The following HRH1 variants were observed in gnomAD, a reference collection of about 807,000 sequenced individuals.
The protein encoded by HRH1 is histamine receptor H1, also known as histamine H1 receptor.
In HRH1, 6 loss-of-function variants were observed where a neutral mutation model predicts 10.3. The ratio of observed to expected loss-of-function variants is 0.58; its 90% CI spans 0.32 to 1.15. HRH1 has a LOEUF of 1.15. Among genes scored for constraint, HRH1 ranks in the 50% most tolerant of loss-of-function variants. HRH1 has a pLI of 0.05. For synonymous variants in HRH1, 242 were observed against 236.7 expected, an observed-to-expected ratio of 1.02 and a Z score of -0.21; for missense variants, 514 against 615.3, an observed-to-expected ratio of 0.84 and a Z score of 1.74.
intron 1 of HRH1, among the ~76,000 whole-genome samples, chr3:11,191,409 T>TCCCC (rs1163787621): frequency 6.6e-6 from 1 of 152,082 alleles, no homozygotes; most frequent in Non-Finnish European, 1.5e-5. Flanking sequence ...AAGACCCACC[T>TCCCC]CCCCCTCTTC....
intron 1 of HRH1, among the ~76,000 whole-genome samples, chr3:11,239,302 C>G (rs1476462329): frequency 6.6e-6 from 1 of 152,126 alleles, no homozygotes; most frequent in Non-Finnish European, 1.5e-5. Flanking sequence ...TGAGCCATTC[C>G]TCTATCTTAT....
chr3:11,254,027 G>A (rs1007288660), intron 1 of HRH1, among the ~76,000 whole-genome samples: 2 of 152,126 alleles, frequency 1.3e-5, no homozygotes, highest in Non-Finnish European at 2.9e-5. Context: ...TTTTTCTTGT[G>A]TTTGGTCCTT....
At chr3:11,141,973 T>C (rs138233664) in intron 1 of HRH1, among the ~76,000 whole-genome samples, 1 of 152,350 alleles carries the variant, frequency 6.6e-6, no homozygotes, top group East Asian at 1.9e-4. Context: ...ACTATCTTCA[T>C]GCAAACAAAA....
At chr3:11,234,228 G>A (rs2125045309) in intron 1 of HRH1, 1 of 1,444,708 alleles carries the variant, frequency 6.9e-7, no homozygotes, top group Non-Finnish European at 9.5e-7. Context: ...CAAAAGGACT[G>A]GAGCCCAGTG....
chr3:11,178,175 G>T (rs1937281813), intron 1 of HRH1, among the ~76,000 whole-genome samples: 1 of 152,124 alleles, frequency 6.6e-6, no homozygotes, highest in African/African-American at 2.4e-5. Flanking sequence ...TTCCTCTCTT[G>T]TCCCCTCTGG....
chr3:11,219,823 C>G (rs1938642876), intron 1 of HRH1, among the ~76,000 whole-genome samples: 2 of 151,896 alleles, frequency 1.3e-5, no homozygotes, highest in Admixed American at 1.3e-4. Context: ...CCCTGAATTC[C>G]CAGGAAGATT....
chr3:11,215,674 C>A (rs942703665), intron 1 of HRH1, among the ~76,000 whole-genome samples: 2 of 152,200 alleles, frequency 1.3e-5, no homozygotes, highest in African/African-American at 2.4e-5. Flanking sequence ...ATCTCCTGAC[C>A]TCGTGATCCG....
At chr3:11,232,459 C>T (rs530961471) in intron 1 of HRH1, among the ~76,000 whole-genome samples, 5 of 152,060 alleles carry the variant, frequency 3.3e-5, no homozygotes, top group Non-Finnish European at 5.9e-5. Context: ...TATTTCTTGC[C>T]TCTCTGTTCT....
At chr3:11,204,210 C>T (rs2125029432) in intron 1 of HRH1, among the ~76,000 whole-genome samples, 1 of 152,184 alleles carries the variant, frequency 6.6e-6, no homozygotes. Context: ...TGTGATAAGC[C>T]CTGAACCAGG....
chr3:11,198,977 G>T (rs2125026106), intron 1 of HRH1, among the ~76,000 whole-genome samples: 2 of 151,434 alleles, frequency 1.3e-5, no homozygotes, highest in Middle Eastern at 3.4e-3. Flanking sequence ...AGGCTGGAGT[G>T]CAGTGACACT....
intron 1 of HRH1, among the ~76,000 whole-genome samples, chr3:11,175,583 C>T (rs1482667256): frequency 6.6e-6 from 1 of 152,036 alleles, no homozygotes; most frequent in Non-Finnish European, 1.5e-5. Flanking sequence ...ATATAGTAAC[C>T]ACACAGTAAA....
chr3:11,180,767 G>A (rs1937336294), intron 1 of HRH1, among the ~76,000 whole-genome samples: 3 of 152,250 alleles, frequency 2.0e-5, no homozygotes, highest in Admixed American at 1.3e-4. Context: ...GATCTACACC[G>A]TAGCATGTGT....
At chr3:11,162,873 T>C (rs1316781330) in intron 1 of HRH1, among the ~76,000 whole-genome samples, 1 of 152,200 alleles carries the variant, frequency 6.6e-6, no homozygotes, top group African/African-American at 2.4e-5. Flanking sequence ...TTGTTTTGTT[T>C]TTTGTAAAAT....
At chr3:11,202,759 C>T (rs933920941) in intron 1 of HRH1, among the ~76,000 whole-genome samples, 5 of 152,218 alleles carry the variant, frequency 3.3e-5, no homozygotes, top group Admixed American at 3.3e-4. Context: ...CTACATGACA[C>T]ATCATTGTCA....
intron 1 of HRH1, among the ~76,000 whole-genome samples, chr3:11,216,055 G>T (rs1329494720): frequency 6.6e-6 from 1 of 152,144 alleles, no homozygotes; most frequent in Non-Finnish European, 1.5e-5. Flanking sequence ...GTAGTTCCCA[G>T]TTTGGGACTA....
At chr3:11,252,458 G>T (rs1181088610) in intron 1 of HRH1, among the ~76,000 whole-genome samples, 1 of 152,150 alleles carries the variant, frequency 6.6e-6, no homozygotes, top group African/African-American at 2.4e-5. Context: ...TCTAGGACTT[G>T]TTCTAATATT....
intron 1 of HRH1, among the ~76,000 whole-genome samples, chr3:11,168,668 G>A (rs1244252605): frequency 1.3e-5 from 2 of 152,238 alleles, no homozygotes; most frequent in Non-Finnish European, 2.9e-5. Context: ...AGCATGCAGG[G>A]CCCTAGCAGG....
At chr3:11,149,080 C>G (rs919756764) in intron 1 of HRH1, among the ~76,000 whole-genome samples, 15 of 152,282 alleles carry the variant, frequency 9.9e-5, no homozygotes, top group Admixed American at 9.8e-4. Context: ...TCTCTGCCCA[C>G]AGCAGGCCTC....
intron 1 of HRH1, among the ~76,000 whole-genome samples, chr3:11,177,720 A>G (rs1018644632): frequency 1.3e-5 from 2 of 152,182 alleles, no homozygotes; most frequent in Non-Finnish European, 2.9e-5. Flanking sequence ...AGTACATCCC[A>G]GGCATTAATC....
Sources: gnomAD v4.1 joint callset for allele counts (sites outside exome capture counted in the v4.1 genomes callset) on GRCh38, gnomAD v4.1.1 for gene constraint, MANE v1.5 for transcripts, NCBI Gene and HGNC (gene_info 2026-07-23, HGNC 2026-07-21) for gene names.